The following AXL variants were observed in gnomAD, a reference collection of about 807,000 sequenced individuals.
AXL encodes AXL receptor tyrosine kinase.
AXL carries 52 observed loss-of-function variants against 104.5 expected under a neutral mutation model. That is an observed-to-expected ratio of 0.50 (90% CI 0.40 to 0.63). The LOEUF (loss-of-function observed/expected upper bound fraction) is 0.63. AXL is among the 20% of genes least tolerant of loss of function. AXL has a pLI of 0.00. For synonymous variants in AXL, 455 were observed against 473.7 expected, an observed-to-expected ratio of 0.96 and a Z score of 0.51; for missense variants, 1,024 against 1,188.5, an observed-to-expected ratio of 0.86 and a Z score of 2.04.
chr19:41,222,337 C>T (rs953386217), intron 4 of AXL, among the ~76,000 whole-genome samples: 4 of 152,056 alleles, frequency 2.6e-5, no homozygotes, highest in Non-Finnish European at 5.9e-5. Flanking sequence ...CTTCTCTCTC[C>T]CTCCATTCAC....
At chr19:41,252,520 C>T in intron 15 of AXL, 77 bp downstream of exon 15, 2 of 1,515,816 alleles carry the variant, frequency 1.3e-6, no homozygotes, top group Non-Finnish European at 1.8e-6. Flanking sequence ...GCTTCTGGCC[C>T]TGGGAAGATC....
chr19:41,221,009 A>G lies in AXL; in HGVS notation c.309-137A>G, dbSNP rs1274619978. On this transcript the variant is annotated intron_variant, in intron 2 of 19. Coordinates refer to ENST00000301178, the MANE Select transcript of AXL (RefSeq NM_021913.5). Reference sequence around the variant, plus strand: ...CTAGGTTTCGTTTTCCTCTTCTGCAAAATGAGTTAATAATAGGACATACTT... The same window carrying G: ...CTAGGTTTCGTTTTCCTCTTCTGCAGAATGAGTTAATAATAGGACATACTT... The G allele has an allele frequency of 6.8e-6, 8 of 1,173,926 alleles. No individual in the cohort carries two copies. The African/African-American group carries it at 9.3e-5, about 14-fold the overall frequency. The allele number at this position is 1,173,926 out of a possible 1,614,324, so 72.7% of individuals were successfully genotyped here.
At position 41,238,034 on chromosome 19, in the gene AXL, C is replaced by A. The variant is rs1160421475; in HGVS notation, c.874C>A (p.His292Asn). The change falls in exon 7 of 20, where the codon CAT becomes AAT. Residue 292 changes from histidine (H) to asparagine (N), a missense_variant. His to Asn is a moderately conservative substitution (Grantham distance 68). Coordinates refer to ENST00000301178, the MANE Select transcript of AXL (RefSeq NM_021913.5). ...CACCTCGCAAGCATCCGTGCCCCCC[C>A]ATCAGCTTCGGCTAGGCAGCCTCCA... is the stretch of plus-strand genomic sequence containing the variant. ...PLTSQASVPP[H>N]QLRLGSLHPH... 1 of 1,614,002 alleles carries A rather than the reference C, an allele frequency of 6.2e-7. No homozygotes were observed. The highest frequency in any genetic ancestry group is 1.7e-5 in the Admixed American group (1 of 59,982).
intron 1 of AXL, 65 bp downstream of exon 1, chr19:41,219,542 G>A: frequency 6.6e-7 from 1 of 1,525,048 alleles, no homozygotes; most frequent in Non-Finnish European, 8.9e-7. Context: ...GGTAGGAGGT[G>A]GGGGATGATG....
chr19:41,224,309 G>A (rs1202004570), intron 4 of AXL, among the ~76,000 whole-genome samples: 1 of 152,054 alleles, frequency 6.6e-6, no homozygotes, highest in Non-Finnish European at 1.5e-5. Context: ...CCTAGTGAGA[G>A]CTTGTGTTCC....
intron 6 of AXL, among the ~76,000 whole-genome samples, chr19:41,233,523 C>T (rs774376911): frequency 1.3e-5 from 2 of 151,150 alleles, no homozygotes; most frequent in East Asian, 2.0e-4. Context: ...CCCAGATACT[C>T]GGGAGGCTGA....
At chr19:41,233,539 G>GAGGCT (rs2034029674) in intron 6 of AXL, among the ~76,000 whole-genome samples, 1 of 151,258 alleles carries the variant, frequency 6.6e-6, no homozygotes, top group Admixed American at 6.6e-5. Flanking sequence ...GCTGAAGTGG[G>GAGGCT]ACAATCACCT....
At chr19:41,225,893 C>G (rs955591018) in intron 4 of AXL, among the ~76,000 whole-genome samples, 5 of 152,170 alleles carry the variant, frequency 3.3e-5, no homozygotes, top group Non-Finnish European at 4.4e-5. Context: ...GTGCGTCTGT[C>G]CCTCTATCTG....
Position 41,252,396 on chromosome 19 carries a change from C to G in AXL, c.1757C>G (p.Ala586Gly). The G allele has an allele frequency of 6.2e-7, 1 of 1,613,830 alleles. No homozygotes were observed. Reference protein sequence around the residue: ...RSELEDFLSEAVCMKEFDHPN... With the variant: ...RSELEDFLSEGVCMKEFDHPN... ...GAGCTGGAGGATTTCCTGAGTGAAG[C>G]GGTCTGCATGAAGGAATTTGACCAT... Residue 586 changes from alanine to glycine, a missense_variant, in exon 15 of 20, where the codon GCG becomes GGG. Physicochemically the swap from Ala to Gly is moderately conservative, Grantham distance 60. Coordinates refer to ENST00000301178, the MANE Select transcript of AXL (RefSeq NM_021913.5).
intron 6 of AXL, among the ~76,000 whole-genome samples, chr19:41,237,161 C>G (rs2034094752): frequency 6.6e-6 from 1 of 152,184 alleles, no homozygotes; most frequent in Admixed American, 6.6e-5. Context: ...AGATGGCCAC[C>G]CTTCTGCTTC....
intron 10 of AXL, 99 bp from the exon 11 acceptor site, chr19:41,242,784 T>C: frequency 6.8e-7 from 1 of 1,480,894 alleles, no homozygotes; most frequent in Non-Finnish European, 9.3e-7. Context: ...TGCACATCTT[T>C]GCCGAGGCCT....
At chr19:41,237,397 C>T (rs980468721) in intron 6 of AXL, among the ~76,000 whole-genome samples, 3 of 152,122 alleles carry the variant, frequency 2.0e-5, no homozygotes, top group Admixed American at 2.0e-4. Context: ...CGAGCGCCAC[C>T]ACATCCAGCT....
chr19:41,236,960 A>G (rs1958536347), intron 6 of AXL, among the ~76,000 whole-genome samples: 2 of 151,774 alleles, frequency 1.3e-5, no homozygotes, highest in South Asian at 4.1e-4. Flanking sequence ...TTTTTTTTTA[A>G]CGCATCAGCT....
intron 9 of AXL, 50 bp downstream of exon 9, chr19:41,239,364 A>G: frequency 6.5e-7 from 1 of 1,534,684 alleles, no homozygotes; most frequent in Non-Finnish European, 8.7e-7. Context: ...TCTCCCTGAC[A>G]GCCCTGACTT....
chr19:41,226,481 T>C (rs1381180185), intron 4 of AXL, among the ~76,000 whole-genome samples: 1 of 152,174 alleles, frequency 6.6e-6, no homozygotes, highest in Non-Finnish European at 1.5e-5. Flanking sequence ...AACGGCCACC[T>C]AGGAAGCCGC....
chr19:41,227,813 G>C (rs575145464), intron 4 of AXL, among the ~76,000 whole-genome samples: 98 of 152,152 alleles, frequency 6.4e-4, no homozygotes, highest in Admixed American at 3.6e-3. Flanking sequence ...ATAAATAAGA[G>C]TTTCTTGAAC....
Position 41,219,483 on chromosome 19 carries a change from T to C in AXL, c.85+6T>C. 2 of 1,569,542 alleles carry C rather than the reference T, an allele frequency of 1.3e-6. No individual in the cohort carries two copies. Among genetic ancestry groups the C allele is most frequent in the Non-Finnish European group, 1.7e-6 (2 of 1,160,590 alleles). On this transcript the variant is annotated splice_donor_region_variant and intron_variant, in intron 1 of 19. Transcript: ENST00000301178. The stretch of plus-strand genomic sequence containing the variant: ...GGCGTGCATGGCCCCCAGGGGTGAG[T>C]GATGGGGGCTCCTTGGGGCAGGGAT...
At chr19:41,220,113 T>C (rs570617216) in intron 1 of AXL, among the ~76,000 whole-genome samples, 1 of 151,564 alleles carries the variant, frequency 6.6e-6, no homozygotes, top group African/African-American at 2.4e-5. Flanking sequence ...GTATCCCCCC[T>C]CCGCCCCCAC....
chr19:41,257,333 C>T (rs373504451), intron 18 of AXL, among the ~76,000 whole-genome samples, 160 bp from the exon 19 acceptor site: 2 of 152,170 alleles, frequency 1.3e-5, no homozygotes, highest in East Asian at 1.9e-4. Flanking sequence ...CATCAGCCAC[C>T]GCACCCGGCT....
Sources: allele counts gnomAD v4.1 joint callset (sites outside exome capture counted in the v4.1 genomes callset), GRCh38; gene constraint gnomAD v4.1.1; transcripts MANE v1.5; gene names NCBI Gene and HGNC (gene_info 2026-07-23, HGNC 2026-07-21).